The following MACROD2 variants were observed in gnomAD, a reference collection of about 807,000 sequenced individuals.
The protein encoded by MACROD2 is mono-ADP ribosylhydrolase 2.
A neutral mutation model predicts 70.4 loss-of-function variants in MACROD2; 36 were observed. That is an observed-to-expected ratio of 0.51 (90% confidence interval 0.39 to 0.68). The LOEUF (loss-of-function observed/expected upper bound fraction) is 0.68. Among genes scored for constraint, MACROD2 ranks in the 30% least tolerant of loss-of-function variants. The pLI is 0.00. For missense variants in MACROD2, 496 were observed against 538.4 expected (o/e 0.92, Z 0.78); for synonymous variants, 172 against 178.8 (o/e 0.96, Z 0.30).
intron 3 of MACROD2, among the ~76,000 whole-genome samples, chr20:14,438,344 T>G (rs1268419593): frequency 6.6e-6 from 1 of 152,212 alleles, no homozygotes; most frequent in Non-Finnish European, 1.5e-5. Flanking sequence ...CTCCTATATC[T>G]TGGCCATCGT....
intron 4 of MACROD2, among the ~76,000 whole-genome samples, chr20:14,496,306 T>C (rs1247250128): frequency 2.0e-5 from 3 of 152,226 alleles, no homozygotes; most frequent in Admixed American, 1.3e-4. Context: ...AAAATAATAA[T>C]GGGACCTAAG....
chr20:15,023,094 C>T (rs1372045998), intron 5 of MACROD2: 1 of 151,930 alleles, frequency 6.6e-6, no homozygotes, highest in Non-Finnish European at 1.5e-5. Context: ...GTGTACTGAC[C>T]ACATGCCCAG....
At chr20:15,763,796 G>A (rs929584440) in intron 8 of MACROD2, among the ~76,000 whole-genome samples, 20 of 152,198 alleles carry the variant, frequency 1.3e-4, no homozygotes, top group Non-Finnish European at 2.9e-5. Context: ...GCATTCAAAG[G>A]CTGTGTAGTT....
At chr20:14,795,489 T>C (rs2072499724) in intron 5 of MACROD2, among the ~76,000 whole-genome samples, 1 of 152,074 alleles carries the variant, frequency 6.6e-6, no homozygotes, top group South Asian at 2.1e-4. Context: ...ACTGGGTAGA[T>C]GTTGATGTCA....
chr20:14,466,995 G>A (rs1375924091), intron 3 of MACROD2, among the ~76,000 whole-genome samples: 2 of 152,180 alleles, frequency 1.3e-5, no homozygotes, highest in African/African-American at 2.4e-5. Flanking sequence ...ACCCACTTGA[G>A]GAGGCATTCT....
intron 3 of MACROD2, among the ~76,000 whole-genome samples, chr20:14,416,758 A>G (rs2083809721): frequency 6.6e-6 from 1 of 152,202 alleles, no homozygotes; most frequent in Non-Finnish European, 1.5e-5. Flanking sequence ...ATGAATGCTA[A>G]TTTAGCAATC....
intron 8 of MACROD2, among the ~76,000 whole-genome samples, chr20:15,674,950 A>C (rs1485847188): frequency 6.6e-6 from 1 of 152,196 alleles, no homozygotes; most frequent in African/African-American, 2.4e-5. Flanking sequence ...ACAAGCACTA[A>C]TTAATTCCAT....
At chr20:15,388,944 C>T (rs2045755663) in intron 6 of MACROD2, among the ~76,000 whole-genome samples, 1 of 152,088 alleles carries the variant, frequency 6.6e-6, no homozygotes, top group Non-Finnish European at 1.5e-5. Flanking sequence ...GACATGAAGA[C>T]CAAGAGGAGT....
chr20:15,712,811 C>T (rs2050647796), intron 8 of MACROD2, among the ~76,000 whole-genome samples: 1 of 152,200 alleles, frequency 6.6e-6, no homozygotes, highest in Non-Finnish European at 1.5e-5. Context: ...ACATGTCTTA[C>T]CTGATGTGGT....
At chr20:14,872,102 G>C (rs1160781283) in intron 5 of MACROD2, among the ~76,000 whole-genome samples, 1 of 151,802 alleles carries the variant, frequency 6.6e-6, no homozygotes, top group Non-Finnish European at 1.5e-5. Flanking sequence ...GACAATATTC[G>C]ACAGATCACT....
intron 7 of MACROD2, among the ~76,000 whole-genome samples, chr20:15,439,618 A>T (rs2046469839): frequency 6.6e-6 from 1 of 152,174 alleles, no homozygotes; most frequent in Admixed American, 6.5e-5. Context: ...GCACAGCCTG[A>T]GGAATATCCT....
chr20:15,090,861 C>A (rs2075787667), intron 5 of MACROD2, among the ~76,000 whole-genome samples: 1 of 152,086 alleles, frequency 6.6e-6, no homozygotes, highest in Non-Finnish European at 1.5e-5. Context: ...GTGCCCCATC[C>A]ATACCCTTTC....
chr20:15,043,966 G>A (rs986622219), intron 5 of MACROD2, among the ~76,000 whole-genome samples: 1 of 152,204 alleles, frequency 6.6e-6, no homozygotes, highest in Non-Finnish European at 1.5e-5. Flanking sequence ...CACACTCCTT[G>A]TACCTGCATG....
In MACROD2 at chr20:14,734,546, C is replaced by CAA. The variant is rs11482345; in HGVS notation, c.418+49597_418+49598dup. ...AAAAACAAAAACAAAAACAAAAAAGCAAAAAAAAAAACAACCAATAACAGG... is the reference window on the plus strand; with the variant it reads ...AAAAACAAAAACAAAAACAAAAAAGCAAAAAAAAAAAAACAACCAATAACAGG... On this transcript the variant is annotated intron_variant, in intron 5 of 17. Transcript: ENST00000684519. 4.4e-3 allele frequency among the ~76,000 whole-genome samples: 629 copies of CAA among 143,448 alleles called. 2 individuals carry two copies. Among genetic ancestry groups the CAA allele is most frequent in the African/African-American group, 4.8e-3 (186 of 38,844 alleles). 94.1% of individuals were successfully genotyped at this position (143,448 alleles called of 152,430 possible). A position where few individuals can be genotyped will look rare whatever the true frequency, so the allele number is the denominator to read the frequency against.
At chr20:14,768,984 AG>A (rs1219902742) in intron 5 of MACROD2, among the ~76,000 whole-genome samples, 1 of 152,126 alleles carries the variant, frequency 6.6e-6, no homozygotes, top group African/African-American at 2.4e-5. Flanking sequence ...GATTGAGACC[AG>A]GAGACAGAGT....
chr20:15,444,089 C>T (rs1240694020), intron 7 of MACROD2, among the ~76,000 whole-genome samples: 1 of 151,920 alleles, frequency 6.6e-6, no homozygotes, highest in Non-Finnish European at 1.5e-5. Flanking sequence ...CTCTCTCAAC[C>T]TTGGGCAACT....
At chr20:14,954,583 T>G (rs1273047913) in intron 5 of MACROD2, among the ~76,000 whole-genome samples, 1 of 135,896 alleles carries the variant, frequency 7.4e-6, no homozygotes, top group Non-Finnish European at 1.5e-5. Flanking sequence ...GTATAAATTA[T>G]AAATTATATA....
At chr20:15,225,040 T>C (rs1360510287) in intron 5 of MACROD2, among the ~76,000 whole-genome samples, 1 of 151,800 alleles carries the variant, frequency 6.6e-6, no homozygotes, top group Non-Finnish European at 1.5e-5. Context: ...TCAGTGTACA[T>C]ATTAAAATTA....
intron 4 of MACROD2, among the ~76,000 whole-genome samples, chr20:14,614,633 C>G (rs1315213487): frequency 6.6e-6 from 1 of 152,082 alleles, no homozygotes; most frequent in East Asian, 1.9e-4. Flanking sequence ...AACTAATGCT[C>G]ATTAAATACT....
Sources: allele counts gnomAD v4.1 joint callset (sites outside exome capture counted in the v4.1 genomes callset), GRCh38; gene constraint gnomAD v4.1.1; transcripts MANE v1.5; gene names NCBI Gene and HGNC (gene_info 2026-07-23, HGNC 2026-07-21).